CNTN5: variants seen among roughly 807,000 people sequenced by gnomAD.
The protein encoded by CNTN5 is contactin 5.
CNTN5 carries 77 observed loss-of-function variants against 129.1 expected under a neutral mutation model. The ratio of observed to expected loss-of-function variants is 0.60; its 90% CI spans 0.50 to 0.72. The LOEUF is 0.72. CNTN5 is among the 30% of genes least tolerant of loss of function. The pLI is 0.00. For missense variants in CNTN5, 1,478 were observed against 1,328.8 expected (o/e 1.11, Z -1.75); for synonymous variants, 509 against 465.6 (o/e 1.09, Z -1.20).
intron 17 of CNTN5, among the ~76,000 whole-genome samples, chr11:100,269,109 A>G (rs1019853619): frequency 2.0e-5 from 3 of 152,236 alleles, no homozygotes; most frequent in East Asian, 1.9e-4. Flanking sequence ...GGAGACTGAT[A>G]AGGCGTAGTC....
intron 2 of CNTN5, among the ~76,000 whole-genome samples, chr11:99,402,799 G>A (rs2136215483): frequency 6.6e-6 from 1 of 152,162 alleles, no homozygotes; most frequent in Non-Finnish European, 1.5e-5. Context: ...CAATTTGGTA[G>A]GTTGTATGTG....
At chr11:99,710,547 T>TTGTG (rs71050017) in intron 3 of CNTN5, among the ~76,000 whole-genome samples, 29 of 146,010 alleles carry the variant, frequency 2.0e-4, no homozygotes, top group African/African-American at 6.6e-4. Context: ...CTGCTCTAGA[T>TTGTG]TGTGTGTGTG....
intron 3 of CNTN5, among the ~76,000 whole-genome samples, chr11:99,587,046 C>A (rs2851593): frequency 3.9e-5 from 6 of 152,120 alleles, no homozygotes; most frequent in Admixed American, 3.3e-4. Context: ...AATGTGTGTG[C>A]GAGTGAGGAT....
chr11:100,020,218 C>A (rs1941055268), intron 9 of CNTN5, among the ~76,000 whole-genome samples: 1 of 151,958 alleles, frequency 6.6e-6, no homozygotes, highest in African/African-American at 2.4e-5. Context: ...AAGGAACAAT[C>A]AAGAAGCTTT....
At chr11:99,360,745 T>C (rs1939050914) in intron 2 of CNTN5, among the ~76,000 whole-genome samples, 1 of 152,210 alleles carries the variant, frequency 6.6e-6, no homozygotes, top group South Asian at 2.1e-4. Context: ...CACACAAGCA[T>C]ACTAATCTTT....
intron 13 of CNTN5, among the ~76,000 whole-genome samples, chr11:100,153,523 C>T (rs925938860): frequency 3.3e-5 from 5 of 151,964 alleles, no homozygotes; most frequent in East Asian, 3.9e-4. Context: ...TGATGTACTT[C>T]GTATTCTTGT....
chr11:99,937,534 G>A (rs952371788), intron 7 of CNTN5, among the ~76,000 whole-genome samples: 1 of 152,202 alleles, frequency 6.6e-6, no homozygotes, highest in Non-Finnish European at 1.5e-5. Context: ...CTTCGGAGAT[G>A]TGTGTGCTCA....
chr11:99,403,768 C>T (rs1941941369), intron 2 of CNTN5, among the ~76,000 whole-genome samples: 1 of 152,040 alleles, frequency 6.6e-6, no homozygotes, highest in African/African-American at 2.4e-5. Context: ...TGTTTTGTGA[C>T]TTAACATATG....
At chr11:99,545,604 T>C (rs1190342194) in intron 2 of CNTN5, among the ~76,000 whole-genome samples, 1 of 152,222 alleles carries the variant, frequency 6.6e-6, no homozygotes. Context: ...ACTCAAAATC[T>C]TTCAGGTTTC....
In CNTN5 at chr11:99,590,051, G is replaced by T. The variant is rs139045147; in HGVS notation, c.55+33782G>T. 7.2e-5 allele frequency among the ~76,000 whole-genome samples: 11 copies of T among 152,224 alleles called. 1 individual carries two copies. Among genetic ancestry groups the T allele is most frequent in the African/African-American group, 2.6e-4 (11 of 41,532 alleles). On this transcript the variant is annotated intron_variant, in intron 3 of 24. Transcript: ENST00000524871. ...CCAGTCCTTGAGAGATGAACTTCAG[G>T]TATAGAGGAGGAAGGATCATCCAGA...
intron 2 of CNTN5, among the ~76,000 whole-genome samples, chr11:99,389,812 G>A (rs1281652874): frequency 1.6e-4 from 25 of 152,280 alleles, no homozygotes; most frequent in African/African-American, 6.0e-4. Context: ...GAAACTTATG[G>A]TGAAGGGTTT....
intron 3 of CNTN5, among the ~76,000 whole-genome samples, chr11:99,713,269 T>G (rs1240074318): frequency 6.6e-6 from 1 of 152,118 alleles, no homozygotes; most frequent in Non-Finnish European, 1.5e-5. Flanking sequence ...AGTTCATTCA[T>G]GATTTGGCTC....
chr11:99,992,024 A>G (rs2137418611), intron 8 of CNTN5, among the ~76,000 whole-genome samples: 1 of 152,348 alleles, frequency 6.6e-6, no homozygotes, highest in East Asian at 1.9e-4. Context: ...CGAAGCAATG[A>G]AAAAATAGTT....
At chr11:100,039,320 G>A (rs1429403520) in intron 9 of CNTN5, among the ~76,000 whole-genome samples, 1 of 152,212 alleles carries the variant, frequency 6.6e-6, no homozygotes, top group Non-Finnish European at 1.5e-5. Flanking sequence ...GGCTTGTAGA[G>A]TTTCTGCCCA....
At chr11:99,810,576 G>A (rs530948652) in intron 3 of CNTN5, among the ~76,000 whole-genome samples, 56 of 152,038 alleles carry the variant, frequency 3.7e-4, no homozygotes, top group African/African-American at 1.3e-3. Context: ...ATCTGATTTG[G>A]GCTATTTCAA....
intron 16 of CNTN5, 47 bp downstream of exon 16, chr11:100,224,859 A>G (rs1949339564): frequency 6.3e-7 from 1 of 1,596,978 alleles, no homozygotes; most frequent in Non-Finnish European, 8.6e-7. Flanking sequence ...ACCATAAATT[A>G]TCATACAAAG....
chr11:99,358,255 A>ATTTTTTTTTTTTTTTTTTTTTTTTTT lies in CNTN5; in HGVS notation c.-71+32791_-71+32792insTTTTTTTTTTTTTTTTTTTTTTTTTT, dbSNP rs1186386021. On this transcript the variant is annotated intron_variant, in intron 2 of 24. Transcript: ENST00000524871. The stretch of plus-strand genomic sequence containing the variant: ...AGGCGCCCGCCACCACGCCCTGCTG[A>ATTTTTTTTTTTTTTTTTTTTTTTTTT]TTTTTTTTTTTTTTTTTTTTAGTAG... 2.6e-4 allele frequency among the ~76,000 whole-genome samples: 12 copies of ATTTTTTTTTTTTTTTTTTTTTTTTTT among 46,918 alleles called. 2 individuals are homozygous for ATTTTTTTTTTTTTTTTTTTTTTTTTT. Among genetic ancestry groups the ATTTTTTTTTTTTTTTTTTTTTTTTTT allele is most frequent in the South Asian group, 1.2e-3 (1 of 850 alleles). 30.8% of individuals were successfully genotyped at this position (46,918 alleles called of 152,430 possible).
intron 8 of CNTN5, among the ~76,000 whole-genome samples, chr11:99,986,257 T>C (rs1412207212): frequency 2.0e-5 from 3 of 152,190 alleles, no homozygotes; most frequent in African/African-American, 4.8e-5. Flanking sequence ...TAATACTCAC[T>C]TGGCAAACCT....
intron 2 of CNTN5, among the ~76,000 whole-genome samples, chr11:99,508,319 C>A (rs55819513): frequency 0.26 from 39,737 of 152,016 alleles, 5,526 homozygotes; most frequent in Non-Finnish European, 0.3. Flanking sequence ...TTTTCCCCAG[C>A]TACTGGGTAA....
Sources: gnomAD v4.1 joint callset for allele counts (sites outside exome capture counted in the v4.1 genomes callset) on GRCh38, gnomAD v4.1.1 for gene constraint, MANE v1.5 for transcripts, NCBI Gene and HGNC (gene_info 2026-07-23, HGNC 2026-07-21) for gene names.